The following CALN1 variants were observed in gnomAD, a reference collection of about 807,000 sequenced individuals.
The protein encoded by CALN1 is calneuron 1, also known as calcium-binding protein 8.
CALN1 carries 17 observed loss-of-function variants against 30.6 expected under a neutral mutation model. That is an observed-to-expected ratio of 0.56 (90% CI 0.38 to 0.83). CALN1 has a LOEUF of 0.83. Among genes scored for constraint, CALN1 ranks in the 40% least tolerant of loss-of-function variants. CALN1 has a pLI of 0.00. For synonymous variants in CALN1, 156 were observed against 131.4 expected (o/e 1.19, Z -1.28); for missense variants, 291 against 354.9 (o/e 0.82, Z 1.45).
intron 5 of CALN1, among the ~76,000 whole-genome samples, chr7:71,971,949 AAAAAAAAGAAAGAAAGAAAG>A (rs1797835157): frequency 9.9e-5 from 8 of 81,036 alleles, no homozygotes; most frequent in African/African-American, 2.4e-4. Context: ...AAAAAAAAAA[AAAAAAAAGAAAGAAAGAAAG>A]AAAGAAAGAA....
chr7:72,404,787 G>C (rs971399134), intron 1 of CALN1, among the ~76,000 whole-genome samples: 4 of 152,200 alleles, frequency 2.6e-5, no homozygotes, highest in Admixed American at 1.3e-4. Context: ...AAGAAGGCTT[G>C]AAGAGCTGTA....
chr7:72,208,659 CT>C (rs760498397), intron 3 of CALN1, among the ~76,000 whole-genome samples: 23 of 152,034 alleles, frequency 1.5e-4, no homozygotes, highest in African/African-American at 4.1e-4. Flanking sequence ...TTTCCAGGGA[CT>C]TTTTTTTAAT....
chr7:72,298,101 G>A (rs1798993897), intron 2 of CALN1, among the ~76,000 whole-genome samples: 1 of 152,120 alleles, frequency 6.6e-6, no homozygotes, highest in African/African-American at 2.4e-5. Context: ...ACAGCATAAG[G>A]TTCCTTTGAG....
intron 3 of CALN1, among the ~76,000 whole-genome samples, chr7:72,191,038 C>A (rs141611425): frequency 6.6e-6 from 1 of 152,172 alleles, no homozygotes; most frequent in Non-Finnish European, 1.5e-5. Flanking sequence ...CGGCAAGAAC[C>A]AGGCATGAAA....
chr7:72,402,250 T>C (rs1423539024), intron 2 of CALN1, among the ~76,000 whole-genome samples: 1 of 152,218 alleles, frequency 6.6e-6, no homozygotes, highest in Admixed American at 6.5e-5. Flanking sequence ...TTGGAGAAGA[T>C]TCTGAACAGA....
At chr7:71,871,810 C>T (rs1406951998) in intron 5 of CALN1, among the ~76,000 whole-genome samples, 4 of 152,014 alleles carry the variant, frequency 2.6e-5, no homozygotes, top group Admixed American at 2.0e-4. Flanking sequence ...CAGAGAGATT[C>T]TCAGATTTAT....
intron 4 of CALN1, among the ~76,000 whole-genome samples, chr7:72,100,680 C>A (rs530894028): frequency 1.5e-4 from 22 of 151,690 alleles, no homozygotes. Context: ...ACTAGCCGGG[C>A]GTGGTGGCGG....
At chr7:72,343,879 T>C (rs771584603) in intron 2 of CALN1, among the ~76,000 whole-genome samples, 28 of 152,242 alleles carry the variant, frequency 1.8e-4, no homozygotes, top group Middle Eastern at 3.4e-3. Flanking sequence ...CTGGGAAAGA[T>C]GGACTCAAGG....
intron 2 of CALN1, among the ~76,000 whole-genome samples, chr7:72,301,992 C>A (rs1799296644): frequency 6.6e-6 from 1 of 151,730 alleles, no homozygotes; most frequent in South Asian, 2.1e-4. Flanking sequence ...AAGAAGAGAC[C>A]TTGGAAGAAT....
At chr7:72,150,095 C>A (rs1013206805) in intron 3 of CALN1, among the ~76,000 whole-genome samples, 3 of 149,758 alleles carry the variant, frequency 2.0e-5, no homozygotes, top group Non-Finnish European at 4.4e-5. Flanking sequence ...ACACTACACT[C>A]CAGCCTAGGC....
intron 5 of CALN1, among the ~76,000 whole-genome samples, chr7:71,823,669 G>A (rs1263605436): frequency 6.6e-6 from 1 of 151,844 alleles, no homozygotes; most frequent in Non-Finnish European, 1.5e-5. Context: ...AGTGAGCCGA[G>A]ATTGCACCAC....
At chr7:71,817,094 ATCTG>A (rs956795669) in intron 5 of CALN1, among the ~76,000 whole-genome samples, 8 of 151,946 alleles carry the variant, frequency 5.3e-5, no homozygotes, top group African/African-American at 1.9e-4. Flanking sequence ...TATTGTCAAT[ATCTG>A]TCTTTCAAAA....
the CALN1 span, among the ~76,000 whole-genome samples, chr7:72,471,033 G>A: frequency 6.6e-6 from 1 of 152,134 alleles, no homozygotes; most frequent in Non-Finnish European, 1.5e-5. Context: ...TTGGCTCACT[G>A]CAGCCTTGAA....
chr7:72,083,359 G>A (rs1358623907), intron 4 of CALN1, among the ~76,000 whole-genome samples: 1 of 151,986 alleles, frequency 6.6e-6, no homozygotes, highest in African/African-American at 2.4e-5. Context: ...ACAAATTGGG[G>A]GTTTGAGCAG....
chr7:72,476,249 AC>A, the CALN1 span, among the ~76,000 whole-genome samples: 1 of 151,972 alleles, frequency 6.6e-6, no homozygotes, highest in African/African-American at 2.4e-5. Flanking sequence ...GCCTGACAGC[AC>A]ATGCTCTCTT....
intron 5 of CALN1, among the ~76,000 whole-genome samples, chr7:71,901,958 G>A (rs973944050): frequency 1.3e-5 from 2 of 152,106 alleles, no homozygotes; most frequent in Non-Finnish European, 2.9e-5. Context: ...CACAGCAAAA[G>A]AAATAATTAA....
chr7:72,429,948 T>C (rs1190620985), intron 1 of CALN1, among the ~76,000 whole-genome samples: 1 of 150,336 alleles, frequency 6.7e-6, no homozygotes, highest in East Asian at 1.9e-4. Flanking sequence ...GCCTCCCGAG[T>C]AGCTGGGATT....
At chr7:72,299,031 C>A (rs1354054562) in intron 2 of CALN1, among the ~76,000 whole-genome samples, 1 of 152,062 alleles carries the variant, frequency 6.6e-6, no homozygotes, top group Admixed American at 6.6e-5. Context: ...CTAATACAAT[C>A]CCCCTAACCA....
At chr7:71,897,000 C>T (rs1301254755) in intron 5 of CALN1, among the ~76,000 whole-genome samples, 1 of 152,140 alleles carries the variant, frequency 6.6e-6, no homozygotes, top group Non-Finnish European at 1.5e-5. Context: ...GGAAATAAGG[C>T]TATGAGAAGA....
Sources: allele counts gnomAD v4.1 joint callset (sites outside exome capture counted in the v4.1 genomes callset), GRCh38; gene constraint gnomAD v4.1.1; transcripts MANE v1.5; gene names NCBI Gene and HGNC (gene_info 2026-07-23, HGNC 2026-07-21).